Variants in MYO1C observed in about 807,000 individuals in gnomAD.
MYO1C encodes the protein unconventional myosin-Ic.
Under a neutral mutation model 150.8 loss-of-function variants are expected in MYO1C, and 104 were observed. The observed-to-expected ratio is 0.69, with a 90% CI of 0.59 to 0.81. The LOEUF (loss-of-function observed/expected upper bound fraction) is 0.81. MYO1C is among the 30% of genes least tolerant of loss of function. The probability of loss-of-function intolerance (pLI) is 0.00; values close to 1 mark genes in which losing one functional copy is unlikely to be tolerated. For missense variants in MYO1C, 1,504 were observed against 1,435.0 expected (o/e 1.05, Z -0.78); for synonymous variants, 663 against 579.9 (o/e 1.14, Z -2.06).
intron 14 of MYO1C, among the ~76,000 whole-genome samples, chr17:1,475,891 T>C (rs2074394676): frequency 1.3e-5 from 2 of 151,994 alleles, no homozygotes; most frequent in African/African-American, 2.4e-5. Context: ...CTGAGGAAAA[T>C]GTTGTTTGAT....
intron 14 of MYO1C, among the ~76,000 whole-genome samples, chr17:1,475,313 G>A (rs987978652): frequency 1.3e-5 from 2 of 152,206 alleles, no homozygotes; most frequent in Non-Finnish European, 2.9e-5. Context: ...CAGCTACTCA[G>A]GAGGCTGACA....
At chr17:1,481,028 G>A in intron 5 of MYO1C, 143 bp from the exon 6 acceptor site, 1 of 805,918 alleles carries the variant, frequency 1.2e-6, no homozygotes, top group East Asian at 2.6e-5. Flanking sequence ...GTCGGCTCAG[G>A]CACGCCACCC....
chr17:1,474,515 C>T (rs933406041), intron 17 of MYO1C, 95 bp downstream of exon 17: 17 of 1,296,082 alleles, frequency 1.3e-5, no homozygotes, highest in South Asian at 8.2e-5. Flanking sequence ...GGCTCACACG[C>T]GTTCACACGC....
rs1387175981 is a variant in MYO1C, at chr17:1,470,184, G to C, written c.2517C>G (p.Ala839=). The C allele has an allele frequency of 1.9e-6, 3 of 1,610,378 alleles. No individual in the cohort carries two copies. The highest frequency in any genetic ancestry group is 2.7e-5 in the African/African-American group (2 of 74,896). ...LDTSWPTPPP[A]LREASELLRE... ...GGGGGTGCCCACAGACCTCACGCAG[G>C]GCAGGTGGGGGCGTGGGCCACGAGG... Residue 839 remains alanine, a synonymous_variant, in exon 24 of 32, where the codon GCC becomes GCG. Transcript: ENST00000648651.
Position 1,477,980 on chromosome 17 carries a change from C to G in MYO1C, c.1402-9G>C. 1 of 1,614,052 alleles carries G rather than the reference C, an allele frequency of 6.2e-7. No individual in the cohort carries two copies. Among genetic ancestry groups the G allele is most frequent in the African/African-American group, 1.3e-5 (1 of 75,054 alleles). On this transcript the variant is annotated splice_polypyrimidine_tract_variant and intron_variant, in intron 12 of 31. Transcript: ENST00000648651. ...TACTGGACGGGCTCCCACTGAGGGG[C>G]AGAAGGGAAGGAAGGGATCACCGTG...
At chr17:1,466,887 A>G (rs143507898) in intron 31 of MYO1C, among the ~76,000 whole-genome samples, 486 of 152,220 alleles carry the variant, frequency 3.2e-3, no homozygotes, top group Non-Finnish European at 5.4e-3. Context: ...TCGGCCTCCC[A>G]AAGTGCTGGG....
At chr17:1,483,814 T>C (rs770169160) in intron 2 of MYO1C, 89 bp from the exon 3 acceptor site, 48 of 1,044,392 alleles carry the variant, frequency 4.6e-5, no homozygotes, top group Non-Finnish European at 7.0e-5. Context: ...GAGGCCAAGG[T>C]GGGCGGATCA....
chr17:1,466,925 C>T (rs991922175), intron 31 of MYO1C, among the ~76,000 whole-genome samples: 1 of 151,850 alleles, frequency 6.6e-6, no homozygotes, highest in Admixed American at 6.6e-5. Context: ...CTGCACCCAG[C>T]CTTTTGCATT....
Position 1,465,685 on chromosome 17 carries a change from G to A in MYO1C, c.*41C>T, listed in dbSNP as rs753281962. 4 of 1,330,116 alleles carry A rather than the reference G, an allele frequency of 3.0e-6. No individual in the cohort carries two copies. Among genetic ancestry groups the A allele is most frequent in the Non-Finnish European group, 3.9e-6 (4 of 1,029,654 alleles). The allele number at this position is 1,330,116 out of a possible 1,614,324, so 82.4% of individuals were successfully genotyped here. A position where few individuals can be genotyped will look rare whatever the true frequency, so the allele number is the denominator to read the frequency against. ...AACTGGGAAGGGGAGGAGGAGAAAA[G>A]CAAAGCATTGGGCGTTGGGAGGGTC... On this transcript the variant is annotated 3_prime_UTR_variant, in exon 32 of 32. Coordinates refer to ENST00000648651, the MANE Select transcript of MYO1C (RefSeq NM_001080779.2).
At chr17:1,470,036 A>AG (rs1555519809) in intron 24 of MYO1C, 139 bp downstream of exon 24, 2 of 923,384 alleles carry the variant, frequency 2.2e-6, no homozygotes, top group Non-Finnish European at 3.2e-6. Context: ...CAAAAAAAAA[A>AG]GAGACCTTAC....
chr17:1,481,462 C>G (rs140588779), intron 5 of MYO1C, among the ~76,000 whole-genome samples: 2 of 152,262 alleles, frequency 1.3e-5, no homozygotes, highest in South Asian at 4.1e-4. Flanking sequence ...CCCATCTATT[C>G]GTCTACTCCC....
rs759605207 is a variant in MYO1C, at chr17:1,482,895, C to A, written c.512G>T (p.Arg171Leu). ...CGGGTTGCTCTGTAGCAGCCGGTCCCGCACGGCACCTCCGCGCTCGGGGGC... is the reference window on the plus strand; with the variant it reads ...CGGGTTGCTCTGTAGCAGCCGGTCCAGCACGGCACCTCCGCGCTCGGGGGC... ...CPAPERGGAVRDRLLQSNPVL... is the reference protein window; with the variant it reads ...CPAPERGGAVLDRLLQSNPVL... The change falls in exon 4 of 32, where the codon CGG (arginine) becomes CTG (leucine). Residue 171 changes from arginine (R) to leucine (L), a missense_variant. By Grantham distance (102) the Arg-to-Leu change is moderately radical (BLOSUM62 -2). Transcript: ENST00000648651. 6.2e-7 allele frequency: 1 copy of A among 1,611,968 alleles called. No homozygotes were observed. The highest frequency in any genetic ancestry group is 8.5e-7 in the Non-Finnish European group (1 of 1,179,898).
chr17:1,484,091 C>A, intron 2 of MYO1C, 57 bp downstream of exon 2: 1 of 1,603,286 alleles, frequency 6.2e-7, no homozygotes, highest in South Asian at 1.1e-5. Context: ...TCTTTCCCCT[C>A]CGCTTGCCTG....
At position 1,467,891 on chromosome 17, in the gene MYO1C, C is replaced by T. The variant is rs1286261980; in HGVS notation, c.2916G>A (p.Leu972=). 2.5e-6 allele frequency: 4 copies of T among 1,611,526 alleles called. No homozygotes were observed. Among genetic ancestry groups the T allele is most frequent in the Middle Eastern group, 1.6e-4 (1 of 6,082 alleles). The change falls in exon 29 of 32, where the codon CTG becomes CTA. Residue 972 remains leucine, a synonymous_variant. Coordinates refer to ENST00000648651, the MANE Select transcript of MYO1C (RefSeq NM_001080779.2). Reference sequence around the variant, plus strand: ...CATGAAGCACAAAAAGACTGTCGCTCAGGCTGCTGACAGAGATTCCTGAGG... The same window carrying T: ...CATGAAGCACAAAAAGACTGTCGCTTAGGCTGCTGACAGAGATTCCTGAGG... ...ANLTGISVSS[L]SDSLFVLHVQ... is the part of the protein sequence containing the mutation.
At chr17:1,485,046 T>G in intron 1 of MYO1C, 1 of 1,168,354 alleles carries the variant, frequency 8.6e-7, no homozygotes, top group Non-Finnish European at 1.1e-6. Flanking sequence ...GCCACTCCCT[T>G]TCCTCCAGCT....
chr17:1,482,928 G>T lies in MYO1C; in HGVS notation c.479C>A (p.Thr160Asn), dbSNP rs760788545. 7 of 1,542,610 alleles carry T rather than the reference G, an allele frequency of 4.5e-6. No homozygotes were observed. The South Asian group carries it at 7.8e-5, about 17-fold the overall frequency. ...ACCTCCGCGCTCGGGGGCTGGGCAG[G>T]TCTCTGCATAGAACTGCAGCAGCCT... ...TKRLLQFYAE[T>N]CPAPERGGAV... The change falls in exon 4 of 32, where the codon ACC becomes AAC. Residue 160 changes from threonine (T) to asparagine (N), a missense_variant. Coordinates refer to ENST00000648651, the MANE Select transcript of MYO1C (RefSeq NM_001080779.2).
At position 1,468,031 on chromosome 17, in the gene MYO1C, C is replaced by T. The variant is rs138350458; in HGVS notation, c.2853G>A (p.Glu951=). 4,962 of 1,612,962 alleles carry T rather than the reference C, an allele frequency of 3.1e-3. 11 individuals are homozygous for T. Among genetic ancestry groups the T allele is most frequent in the Middle Eastern group, 9.6e-3 (58 of 6,058 alleles). The change falls in exon 28 of 32, where the codon GAG becomes GAA. Residue 951 remains glutamate (E), a synonymous_variant. Coordinates refer to ENST00000648651, the MANE Select transcript of MYO1C (RefSeq NM_001080779.2). ...LLTPNAVVIV[E]DAKVKQRIDY... ...CAATCCTCTGCTTGACTTTGGCGTC[C>T]TCCACGATGACGACGGCGTTGGGCG...
rs1195037811 is a variant in MYO1C, at chr17:1,492,445, G to A, written c.43C>T (p.Arg15Cys). The A allele has an allele frequency of 6.2e-7, 1 of 1,607,944 alleles. No homozygotes were observed. Residue 15 changes from arginine to cysteine, a missense_variant, in exon 1 of 32, where the codon CGC (arginine) becomes TGC (cysteine). By Grantham distance (180) the Arg-to-Cys change is radical (BLOSUM62 -3). Transcript: ENST00000648651. Reference sequence around the variant, plus strand: ...CAGGGCCTGTGGGGATGAACCACGCGGATGATCTCCCCGGTGGGTACCAGC... The same window carrying A: ...CAGGGCCTGTGGGGATGAACCACGCAGATGATCTCCCCGGTGGGTACCAGC... ...VELVPTGEIIRVVHPHRPCKL... is the reference protein window; with the variant it reads ...VELVPTGEIICVVHPHRPCKL...
chr17:1,465,830 C>T, intron 31 of MYO1C, 78 bp from the exon 32 acceptor site: 1 of 1,116,538 alleles, frequency 9.0e-7, no homozygotes, highest in Non-Finnish European at 1.2e-6. Context: ...TCTTTTCGTC[C>T]TTGTTTTTTC....
Sources: gnomAD v4.1 joint callset for allele counts (sites outside exome capture counted in the v4.1 genomes callset) on GRCh38, gnomAD v4.1.1 for gene constraint, MANE v1.5 for transcripts, NCBI Gene and HGNC (gene_info 2026-07-23, HGNC 2026-07-21) for gene names.